Variants in MDC1 observed in about 807,000 individuals in gnomAD.
The protein encoded by MDC1 is mediator of DNA damage checkpoint protein 1.
MDC1 carries 81 observed loss-of-function variants against 142.5 expected under a neutral mutation model. The ratio of observed to expected loss-of-function variants is 0.57; its 90% CI spans 0.47 to 0.68. MDC1 has a LOEUF of 0.68. MDC1 is among the 30% of genes least tolerant of loss of function. The pLI, the probability that MDC1 is intolerant of heterozygous loss-of-function variation, is 0.00. For missense variants in MDC1, 2,119 were observed against 2,547.9 expected (o/e 0.83, Z 3.62); for synonymous variants, 797 against 968.4 (o/e 0.82, Z 3.29).
At chr6:30,717,010 T>A in intron 1 of MDC1, 1 of 656,668 alleles carries the variant, frequency 1.5e-6, no homozygotes, top group Non-Finnish European at 1.9e-6. Context: ...TGGCTCCAAT[T>A]CAAAGAGCCA....
rs764034294 is a variant in MDC1 at position 30,712,312 on chromosome 6, A to C, written c.1630T>G (p.Ser544Ala). ...AIIHIKKHQV[S>A]VEGTNQTDVK... ...TCTGTTTGATTTGTCCCCTCCACAG[A>C]CACCTGATGCTTCTTTATATGTATA... The change falls in exon 5 of 15, where the codon TCT (serine) becomes GCT (alanine). Residue 544 changes from serine to alanine, a missense_variant. Ser to Ala is a moderately conservative substitution (Grantham distance 99, BLOSUM62 1). Transcript: ENST00000376406. This position sits in a 1 kb window ranked among gnomAD's most constrained non-coding sequence, Gnocchi z 4.7. 1 of 1,613,018 alleles carries C rather than the reference A, an allele frequency of 6.2e-7. No individual in the cohort carries two copies. Among genetic ancestry groups the C allele is most frequent in the Non-Finnish European group, 8.5e-7 (1 of 1,180,026 alleles).
At position 30,708,323 on chromosome 6, in the gene MDC1, T is replaced by G. The variant is rs201039283; in HGVS notation, c.2256A>C (p.Thr752=). Residue 752 remains threonine, a synonymous_variant, in exon 8 of 15, where the codon ACA becomes ACC. Coordinates refer to ENST00000376406, the MANE Select transcript of MDC1 (RefSeq NM_014641.3). ...TLDEPWEVLA[T]QPFCLRESED... ...CAGACTCTCTCAGACAGAATGGCTGTGTAGCCAGGACCTCCCATGGTTCAT... is the reference window on the plus strand; with the variant it reads ...CAGACTCTCTCAGACAGAATGGCTGGGTAGCCAGGACCTCCCATGGTTCAT... 6.2e-7 allele frequency: 1 copy of G among 1,611,552 alleles called. No homozygotes were observed. The highest frequency in any genetic ancestry group is 8.5e-7 in the Non-Finnish European group (1 of 1,179,860).
At chr6:30,702,256 C>CA (rs57764077) in intron 14 of MDC1, among the ~76,000 whole-genome samples, 4,296 of 58,956 alleles carry the variant, frequency 0.073, 491 homozygotes, top group Middle Eastern at 0.21. Context: ...GACTCCATCT[C>CA]AAAAAAAAAA....
In MDC1 at chr6:30,713,174, G is replaced by T. The variant is rs1239623016; in HGVS notation, c.768C>A (p.Ile256=). The change falls in exon 5 of 15, where the codon ATC becomes ATA. Residue 256 remains isoleucine, a synonymous_variant. Transcript: ENST00000376406. The surrounding 1 kb of genome is among the most constrained non-coding windows in gnomAD (Gnocchi z 4.9). ...CTAAAGGCTGATCCTTTTCAAGCTG[G>T]ATTTCAGTTACAACTTCAGCTTCAG... ...KQSEAEVVTE[I]QLEKDQPLVK... 2 of 1,613,012 alleles carry T rather than the reference G, an allele frequency of 1.2e-6. No individual in the cohort carries two copies. The highest frequency in any genetic ancestry group is 1.3e-5 in the African/African-American group (1 of 75,042).
rs761987837 is a variant in MDC1 at position 30,707,626 on chromosome 6, G to C, written c.2953C>G (p.Pro985Ala). The C allele has an allele frequency of 2.5e-6, 4 of 1,613,026 alleles. No individual in the cohort carries two copies. Among genetic ancestry groups the C allele is most frequent in the Non-Finnish European group, 3.4e-6 (4 of 1,179,984 alleles). The part of the protein sequence containing the change: ...DLPGPTSAPV[P>A]SGSQSGGRGS... ...CTTCCACCTGACTGGCTCCCAGAAG[G>C]TACGGGGGCTGAGGTAGGTCCCGGA... The change falls in exon 8 of 15, where the codon CCT becomes GCT. Residue 985 changes from proline to alanine, a missense_variant. Physicochemically the swap from Pro to Ala is conservative, Grantham distance 27 (BLOSUM62 -1). Transcript: ENST00000376406.
chr6:30,716,089 T>A lies in MDC1; in HGVS notation c.-3-911A>T, dbSNP rs1165230859. ...AAAAGCCTATGGTTCAGCCAGACAT[T>A]TTCCCCAGTCTTCGAACACACTGTT... On this transcript the variant is annotated intron_variant, in intron 1 of 14. Coordinates refer to ENST00000376406, the MANE Select transcript of MDC1 (RefSeq NM_014641.3). The surrounding 1 kb of genome is among the most constrained non-coding windows in gnomAD (Gnocchi z 4.4). 6.6e-6 allele frequency among the ~76,000 whole-genome samples: 1 copy of A among 152,160 alleles called. No homozygotes were observed. The highest frequency in any genetic ancestry group is 2.4e-5 in the African/African-American group (1 of 41,422).
Position 30,705,380 on chromosome 6 carries a change from G to C in MDC1, c.3803C>G (p.Ala1268Gly). Residue 1268 changes from alanine to glycine, a missense_variant, in exon 10 of 15, where the codon GCT becomes GGT. Physicochemically the swap from Ala to Gly is moderately conservative, Grantham distance 60. Transcript: ENST00000376406. ...GGATCTATTTTTTCTTCCCCTAGTA[G>C]CCTGATATGTGGGCTCAGAAGTGAC... Reference protein sequence around the residue: ...QPVTSEPTYQATRGRKNRSSV... With the variant: ...QPVTSEPTYQGTRGRKNRSSV... 6.3e-7 allele frequency: 1 copy of C among 1,592,668 alleles called. No individual in the cohort carries two copies. The highest frequency in any genetic ancestry group is 8.5e-7 in the Non-Finnish European group (1 of 1,172,270).
chr6:30,711,784 C>T (rs1445213530), intron 5 of MDC1, 58 bp from the exon 6 acceptor site: 1 of 1,584,116 alleles, frequency 6.3e-7, no homozygotes, highest in Non-Finnish European at 8.6e-7. Context: ...ACACTAAACT[C>T]CTTAAATAAT....
Position 30,702,761 on chromosome 6 carries a change from C to T in MDC1, c.5982G>A (p.Arg1994=), listed in dbSNP as rs191103790. The change falls in exon 13 of 15, where the codon AGG becomes AGA. Residue 1994 remains arginine, a synonymous_variant. Coordinates refer to ENST00000376406, the MANE Select transcript of MDC1 (RefSeq NM_014641.3). The stretch of plus-strand genomic sequence containing the variant: ...AAAGATAGCCTCTCACCTCTAGCAG[C>T]CTTCGCTCCCGAGCCCTGCTCAGTG... ...QDALSRARER[R]LLEGYEIYVT... is the part of the protein sequence containing the mutation. 5.0e-6 allele frequency: 8 copies of T among 1,613,022 alleles called. No homozygotes were observed. Among genetic ancestry groups the T allele is most frequent in the African/African-American group, 1.3e-5 (1 of 74,926 alleles).
chr6:30,711,777 C>T, intron 5 of MDC1, 51 bp from the exon 6 acceptor site: 1 of 1,589,778 alleles, frequency 6.3e-7, no homozygotes, highest in African/African-American at 1.3e-5. Context: ...ATACCTGACA[C>T]TAAACTCCTT....
rs150851900 is a variant in MDC1 at position 30,707,648 on chromosome 6, C to T, written c.2931G>A (p.Pro977=). The T allele has an allele frequency of 1.8e-4, 291 of 1,613,040 alleles. No individual in the cohort carries two copies. The highest frequency in any genetic ancestry group is 1.5e-4 in the Non-Finnish European group (174 of 1,180,002). The change falls in exon 8 of 15, where the codon CCG becomes CCA. Residue 977 remains proline, a synonymous_variant. Transcript: ENST00000376406. The part of the protein sequence containing the change: ...PEPGVGAGDL[P]GPTSAPVPSG... Reference sequence around the variant, plus strand: ...AAGGTACGGGGGCTGAGGTAGGTCCCGGAAGGTCCCCCGCCCCCACCCCAG... The same window carrying T: ...AAGGTACGGGGGCTGAGGTAGGTCCTGGAAGGTCCCCCGCCCCCACCCCAG...
rs1773190522 is a variant in MDC1 at position 30,703,678 on chromosome 6, C to G, written c.5505G>C (p.Lys1835Asn). 2.6e-6 allele frequency: 4 copies of G among 1,549,470 alleles called. No individual in the cohort carries two copies. In the Middle Eastern group the frequency reaches 5.3e-4, roughly 203 times the overall value. ...KQPQRGEVSQ[K>N]TVIIKEEEED... The stretch of plus-strand genomic sequence containing the variant: ...CTTCCTCTTCCTTGATAATCACTGT[C>G]TTCTGGGAGACTTCCCCTCTTTGGG... The change falls in exon 10 of 15, where the codon AAG (lysine) becomes AAC (asparagine). Residue 1835 changes from lysine to asparagine, a missense_variant. By Grantham distance (94) the Lys-to-Asn change is moderately conservative. Transcript: ENST00000376406. This position sits in a 1 kb window ranked among gnomAD's most constrained non-coding sequence, Gnocchi z 4.4.
Position 30,713,356 on chromosome 6 carries a change from T to C in MDC1, c.588-2A>G. The C allele has an allele frequency of 1.3e-6, 2 of 1,560,488 alleles. No homozygotes were observed. The highest frequency in any genetic ancestry group is 2.1e-5 in the Admixed American group (1 of 47,832). ...ACCGGGGAATGCCCCTCTTCATCACTGTGAAGGGAAGAAAAGAGAGTCTAT... is the reference window on the plus strand; with the variant it reads ...ACCGGGGAATGCCCCTCTTCATCACCGTGAAGGGAAGAAAAGAGAGTCTAT... On this transcript the variant is annotated splice_acceptor_variant, in intron 4 of 14. Transcript: ENST00000376406. LOFTEE classifies it high-confidence loss of function. The surrounding 1 kb of genome is among the most constrained non-coding windows in gnomAD (Gnocchi z 4.9).
At chr6:30,714,332 G>C in intron 2 of MDC1, 149 bp from the exon 3 acceptor site, 1 of 798,202 alleles carries the variant, frequency 1.3e-6, no homozygotes, top group East Asian at 2.7e-5. Context: ...CACTGAAAGA[G>C]TATATGCGAT....
Position 30,716,242 on chromosome 6 carries a change from G to C in MDC1, c.-4+1003C>G, listed in dbSNP as rs1479051360. On this transcript the variant is annotated intron_variant, in intron 1 of 14. Transcript: ENST00000376406. This position sits in a 1 kb window ranked among gnomAD's most constrained non-coding sequence, Gnocchi z 4.4. ...CACTTTCTTTCTTTTTTTTTTTTTT[G>C]AGATGGAATCTCGCTCTGTCGTCCA... Among the ~76,000 whole-genome samples the C allele has an allele frequency of 2.0e-5, 2 of 101,562 alleles. No individual in the cohort carries two copies. Among genetic ancestry groups the C allele is most frequent in the Non-Finnish European group, 4.0e-5 (2 of 50,212 alleles). 66.6% of individuals were successfully genotyped at this position (101,562 alleles called of 152,430 possible).
At position 30,716,928 on chromosome 6, in the gene MDC1, G is replaced by C; in HGVS notation, c.-4+317C>G. ...GGGAAACTGTTGACAGGTAGGGAAA[G>C]TAGGATGCCCCATGGATAAAGTGTC... On this transcript the variant is annotated intron_variant, in intron 1 of 14. Coordinates refer to ENST00000376406, the MANE Select transcript of MDC1 (RefSeq NM_014641.3). The surrounding 1 kb of genome is among the most constrained non-coding windows in gnomAD (Gnocchi z 4.4). 1 of 984,978 alleles carries C rather than the reference G, an allele frequency of 1.0e-6. No homozygotes were observed. Among genetic ancestry groups the C allele is most frequent in the Non-Finnish European group, 1.2e-6 (1 of 829,506 alleles). 61.0% of individuals were successfully genotyped at this position (984,978 alleles called of 1,614,324 possible). A position where few individuals can be genotyped will look rare whatever the true frequency, so the allele number is the denominator to read the frequency against.
At chr6:30,706,418 G>A (rs1581568262) in intron 9 of MDC1, among the ~76,000 whole-genome samples, 1 of 151,618 alleles carries the variant, frequency 6.6e-6, no homozygotes, top group African/African-American at 2.4e-5. Flanking sequence ...TCAGGAAACC[G>A]AGACCATCCT....
chr6:30,703,570 A>G lies in MDC1; in HGVS notation c.5563-33T>C. ...TGAGAAAAATCTTGGTGGGAGTTTC[A>G]GAGCCCTGAAGTCATTTTTCCCAGC... is the stretch of plus-strand genomic sequence containing the variant. On this transcript the variant is annotated intron_variant, in intron 10 of 14. Coordinates refer to ENST00000376406, the MANE Select transcript of MDC1 (RefSeq NM_014641.3). This position sits in a 1 kb window ranked among gnomAD's most constrained non-coding sequence, Gnocchi z 4.4. The G allele has an allele frequency of 1.2e-6, 2 of 1,612,608 alleles. No individual in the cohort carries two copies. The highest frequency in any genetic ancestry group is 1.7e-6 in the Non-Finnish European group (2 of 1,179,824).
rs1775140815 is a variant in MDC1 at position 30,712,963 on chromosome 6, T to C, written c.979A>G (p.Ile327Val). 2 of 1,612,946 alleles carry C rather than the reference T, an allele frequency of 1.2e-6. No homozygotes were observed. Among genetic ancestry groups the C allele is most frequent in the Non-Finnish European group, 1.7e-6 (2 of 1,180,018 alleles). ...HLERAQPFGF[I>V]DSDTDAEEER... Reference sequence around the variant, plus strand: ...TCTTCCGCATCAGTGTCGCTGTCGATGAAGCCAAAAGGCTGAGCCCTTTCC... The same window carrying C: ...TCTTCCGCATCAGTGTCGCTGTCGACGAAGCCAAAAGGCTGAGCCCTTTCC... The change falls in exon 5 of 15, where the codon ATC (isoleucine) becomes GTC (valine). Residue 327 changes from isoleucine to valine, a missense_variant. Transcript: ENST00000376406. The surrounding 1 kb of genome is among the most constrained non-coding windows in gnomAD (Gnocchi z 4.7).
Sources: gnomAD v4.1 joint callset for allele counts (sites outside exome capture counted in the v4.1 genomes callset) on GRCh38, gnomAD v4.1.1 for gene constraint, Gnocchi (gnomAD v3.1) non-coding constraint, MANE v1.5 for transcripts, NCBI Gene and HGNC (gene_info 2026-07-23, HGNC 2026-07-21) for gene names.